SEMA5B: variants seen among roughly 807,000 people sequenced by gnomAD.
SEMA5B encodes the protein semaphorin-5B.
A neutral mutation model predicts 135.0 loss-of-function variants in SEMA5B; 66 were observed. The ratio of observed to expected loss-of-function variants is 0.49; its 90% CI spans 0.40 to 0.60. The LOEUF (loss-of-function observed/expected upper bound fraction) is 0.60. Among genes scored for constraint, SEMA5B ranks in the 20% least tolerant of loss-of-function variants. The pLI is 0.00. For synonymous variants in SEMA5B, 690 were observed against 639.5 expected (o/e 1.08, Z -1.19); for missense variants, 1,501 against 1,566.3 (o/e 0.96, Z 0.70).
At chr3:122,945,448 G>A (rs1396929217) in intron 3 of SEMA5B, among the ~76,000 whole-genome samples, 1 of 152,164 alleles carries the variant, frequency 6.6e-6, no homozygotes, top group Non-Finnish European at 1.5e-5. Context: ...CCTCCAGGAA[G>A]CGTTCCTGGA....
At chr3:122,915,993 C>A in intron 12 of SEMA5B, 103 bp from the exon 13 acceptor site, 1 of 808,210 alleles carries the variant, frequency 1.2e-6, no homozygotes. Flanking sequence ...ACTTTCCATC[C>A]ATTTGTCCTC....
rs766141714 is a variant in SEMA5B at position 122,976,087 on chromosome 3, C to G, written c.-38-14786G>C. The G allele has an allele frequency of 2.6e-6, 4 of 1,535,202 alleles. No homozygotes were observed. In the African/African-American group the frequency reaches 5.5e-5, roughly 21 times the overall value. On this transcript the variant is annotated intron_variant, in intron 1 of 22. Coordinates refer to ENST00000357599, the MANE Select transcript of SEMA5B (RefSeq NM_001031702.4). The stretch of plus-strand genomic sequence containing the variant: ...TCTATGAAGCTCCTTCTGACCCTCA[C>G]GCAGCCAATGGCTTCCTCTGCTGAC...
At chr3:122,910,708 G>T in intron 22 of SEMA5B, 132 bp downstream of exon 22, 2 of 693,758 alleles carry the variant, frequency 2.9e-6, no homozygotes, top group Non-Finnish European at 4.5e-6. Flanking sequence ...TACTTGGGAG[G>T]CTGAGGCAGG....
chr3:122,954,768 A>T (rs1940206178), intron 2 of SEMA5B, among the ~76,000 whole-genome samples: 1 of 151,582 alleles, frequency 6.6e-6, no homozygotes, highest in Non-Finnish European at 1.5e-5. Context: ...GAACAGAAAA[A>T]TATGGGCCCT....
rs188297274 is a variant in SEMA5B at position 122,918,788 on chromosome 3, T to C, written c.1689-2898A>G. Among the ~76,000 whole-genome samples the C allele has an allele frequency of 2.4e-4, 36 of 152,300 alleles. No homozygotes were observed. In the South Asian group the frequency reaches 6.8e-3, roughly 29 times the overall value. On this transcript the variant is annotated intron_variant, in intron 12 of 22. Transcript: ENST00000357599. ...GCTCTCTTCTTGTGAATAAAAGGGA[T>C]AACTGCCTCCTTGGCTCAAGTGGAA...
intron 20 of SEMA5B, 117 bp downstream of exon 20, chr3:122,911,803 T>A (rs1937728857): frequency 7.6e-7 from 1 of 1,311,974 alleles, no homozygotes; most frequent in Non-Finnish European, 1.0e-6. Context: ...TCCCCCCACT[T>A]CCATGTTTCA....
At chr3:122,990,189 C>G (rs967913460) in intron 1 of SEMA5B, among the ~76,000 whole-genome samples, 1 of 152,240 alleles carries the variant, frequency 6.6e-6, no homozygotes, top group Non-Finnish European at 1.5e-5. Context: ...AATAACTTCT[C>G]TGCAACATGA....
Position 122,912,288 on chromosome 3 carries a change from C to G in SEMA5B, c.2780G>C (p.Gly927Ala). The G allele has an allele frequency of 6.2e-7, 1 of 1,612,014 alleles. No individual in the cohort carries two copies. The highest frequency in any genetic ancestry group is 8.5e-7 in the Non-Finnish European group (1 of 1,179,044). ...TSWSPCSASC[G>A]GGHYQRTRSC... Reference sequence around the variant, plus strand: ...ACGGGTGCGTTGATAGTGACCCCCACCACAGGAAGCTGAGCATGGAGACCA... The same window carrying G: ...ACGGGTGCGTTGATAGTGACCCCCAGCACAGGAAGCTGAGCATGGAGACCA... The change falls in exon 19 of 23, where the codon GGT (glycine) becomes GCT (alanine). Residue 927 changes from glycine to alanine, a missense_variant. Gly to Ala is a moderately conservative substitution (Grantham distance 60). This residue lies in a region of SEMA5B where 927 missense variants were observed against 881.6 expected (regional missense o/e 1.05). Coordinates refer to ENST00000357599, the MANE Select transcript of SEMA5B (RefSeq NM_001031702.4).
At chr3:122,972,274 C>T (rs1054994534) in intron 1 of SEMA5B, among the ~76,000 whole-genome samples, 5 of 152,160 alleles carry the variant, frequency 3.3e-5, no homozygotes, top group Non-Finnish European at 7.3e-5. Flanking sequence ...TTTTTGGAGT[C>T]AGGAACTAAT....
chr3:122,982,422 A>G (rs1941547867), intron 1 of SEMA5B, among the ~76,000 whole-genome samples: 1 of 152,200 alleles, frequency 6.6e-6, no homozygotes. Context: ...TGAGCCAGAC[A>G]TTATTAGGAA....
chr3:123,000,502 G>A (rs747440860), intron 1 of SEMA5B, among the ~76,000 whole-genome samples: 9 of 152,150 alleles, frequency 5.9e-5, no homozygotes, highest in Non-Finnish European at 1.2e-4. Context: ...CTGGCATTTG[G>A]CATGCACCTG....
intron 1 of SEMA5B, among the ~76,000 whole-genome samples, chr3:122,964,588 C>T (rs1940739096): frequency 1.3e-5 from 2 of 152,210 alleles, no homozygotes; most frequent in African/African-American, 4.8e-5. Flanking sequence ...GGGCTTTGGT[C>T]TCTCTCTCCC....
At chr3:122,926,368 G>T (rs763200074) in intron 9 of SEMA5B, 24 bp downstream of exon 9, 15 of 1,595,268 alleles carry the variant, frequency 9.4e-6, no homozygotes, top group Non-Finnish European at 1.3e-5. Flanking sequence ...CACAGGCAAG[G>T]GGCTGGCAGA....
chr3:122,914,308 G>A (rs912571700), intron 14 of SEMA5B, among the ~76,000 whole-genome samples: 1 of 152,204 alleles, frequency 6.6e-6, no homozygotes, highest in African/African-American at 2.4e-5. Context: ...AGAGAAGAAG[G>A]CCCTAGTCCC....
rs191192223 is a variant in SEMA5B at position 122,929,949 on chromosome 3, C to T, written c.475-891G>A. Reference sequence around the variant, plus strand: ...CTGAAGGGAGGCGTGATGCCCTCCACGTCCAGGCAATGTCAACAGCCCTGG... The same window carrying T: ...CTGAAGGGAGGCGTGATGCCCTCCATGTCCAGGCAATGTCAACAGCCCTGG... On this transcript the variant is annotated intron_variant, in intron 5 of 22. Transcript: ENST00000357599. 4.1e-3 allele frequency among the ~76,000 whole-genome samples: 623 copies of T among 152,310 alleles called. 3 individuals are homozygous for T. The highest frequency in any genetic ancestry group is 0.014 in the African/African-American group (601 of 41,570).
intron 1 of SEMA5B, among the ~76,000 whole-genome samples, chr3:123,017,887 G>A (rs931114984): frequency 2.7e-5 from 4 of 150,744 alleles, no homozygotes; most frequent in African/African-American, 9.8e-5. Context: ...CAGCCTGGGC[G>A]ACAGAGTGAG....
intron 1 of SEMA5B, among the ~76,000 whole-genome samples, chr3:122,979,741 C>A (rs895359573): frequency 1.3e-5 from 2 of 152,146 alleles, no homozygotes; most frequent in Non-Finnish European, 1.5e-5. Flanking sequence ...AGGCCGGGAC[C>A]GTGTTGTCTC....
At chr3:122,984,329 A>G (rs1412891592) in intron 1 of SEMA5B, among the ~76,000 whole-genome samples, 1 of 152,192 alleles carries the variant, frequency 6.6e-6, no homozygotes, top group African/African-American at 2.4e-5. Flanking sequence ...AAGTGTTTGG[A>G]GGTCCTCCCA....
chr3:122,923,797 T>C (rs748164002), intron 9 of SEMA5B, 45 bp from the exon 10 acceptor site: 1 of 1,611,362 alleles, frequency 6.2e-7, no homozygotes, highest in Non-Finnish European at 8.5e-7. Context: ...CTGTAAGACC[T>C]GGCACCCTCC....
Sources: allele counts gnomAD v4.1 joint callset (sites outside exome capture counted in the v4.1 genomes callset), GRCh38; gene constraint gnomAD v4.1.1; regional missense constraint gnomAD v4.1.1; transcripts MANE v1.5; gene names NCBI Gene and HGNC (gene_info 2026-07-23, HGNC 2026-07-21).